SFMBT2: variants seen among roughly 807,000 people sequenced by gnomAD.
The protein encoded by SFMBT2 is Scm like with four mbt domains 2, also known as scm-like with four MBT domains protein 2.
A neutral mutation model predicts 110.1 loss-of-function variants in SFMBT2; 38 were observed. That is an observed-to-expected ratio of 0.35 (90% CI 0.27 to 0.45). SFMBT2 has a LOEUF of 0.45. Among genes scored for constraint, SFMBT2 ranks in the 20% least tolerant of loss-of-function variants. SFMBT2 has a pLI of 1.00. For synonymous variants in SFMBT2, 425 were observed against 425.4 expected, an observed-to-expected ratio of 1.00 and a Z score of 0.01; for missense variants, 1,011 against 1,094.9, an observed-to-expected ratio of 0.92 and a Z score of 1.08.
intron 4 of SFMBT2, chr10:7,286,315 C>G (rs1240241781): frequency 1.6e-6 from 1 of 620,952 alleles, no homozygotes; most frequent in East Asian, 1.4e-4. Context: ...GAAAGGCTTT[C>G]CAGGTGGGAA....
chr10:7,246,829 C>T (rs1031201077), intron 8 of SFMBT2, among the ~76,000 whole-genome samples: 9 of 151,078 alleles, frequency 6.0e-5, no homozygotes, highest in Middle Eastern at 3.2e-3. Context: ...GACTCTGTAG[C>T]GTGATACATC....
chr10:7,249,417 A>C, intron 7 of SFMBT2: 1 of 650,162 alleles, frequency 1.5e-6, no homozygotes, highest in South Asian at 6.8e-5. Context: ...ACCAGAATTT[A>C]TCTTGCGGAG....
chr10:7,288,669 T>C (rs1842171770), intron 4 of SFMBT2, among the ~76,000 whole-genome samples: 1 of 152,226 alleles, frequency 6.6e-6, no homozygotes, highest in Non-Finnish European at 1.5e-5. Context: ...TCACCCTGTT[T>C]TGTTCCTCCT....
chr10:7,368,747 A>C (rs934044145), intron 3 of SFMBT2, among the ~76,000 whole-genome samples: 3 of 152,278 alleles, frequency 2.0e-5, no homozygotes, highest in African/African-American at 7.2e-5. Context: ...TGCCTAAGGC[A>C]ACTGCCAAAT....
chr10:7,348,434 C>T, intron 4 of SFMBT2: 2 of 972,648 alleles, frequency 2.1e-6, no homozygotes, highest in South Asian at 3.7e-5. Context: ...GTAAATATGT[C>T]ATTAAGGGCT....
chr10:7,304,192 G>A (rs1172328190), intron 4 of SFMBT2, among the ~76,000 whole-genome samples: 1 of 152,134 alleles, frequency 6.6e-6, no homozygotes, highest in Non-Finnish European at 1.5e-5. Context: ...GGACCCACTG[G>A]GAGGTAACTG....
chr10:7,388,612 G>C (rs1030886283), intron 1 of SFMBT2, among the ~76,000 whole-genome samples: 1 of 146,126 alleles, frequency 6.8e-6, no homozygotes, highest in Admixed American at 7.2e-5. Flanking sequence ...CTGGCCTCAA[G>C]TGATCTGTCC....
chr10:7,295,931 C>T (rs770863561), intron 4 of SFMBT2, among the ~76,000 whole-genome samples: 3 of 152,320 alleles, frequency 2.0e-5, no homozygotes, highest in Admixed American at 6.5e-5. Flanking sequence ...CTAACGCTTT[C>T]TCTGAAGTTC....
chr10:7,272,085 A>T (rs1389088824), intron 7 of SFMBT2, among the ~76,000 whole-genome samples: 1 of 152,186 alleles, frequency 6.6e-6, no homozygotes, highest in Non-Finnish European at 1.5e-5. Flanking sequence ...GACACTGCAC[A>T]GGGGAGCGAG....
At chr10:7,294,156 C>A (rs1842337272) in intron 4 of SFMBT2, among the ~76,000 whole-genome samples, 1 of 152,168 alleles carries the variant, frequency 6.6e-6, no homozygotes, top group Admixed American at 6.5e-5. Context: ...GTAATTACTG[C>A]TTATCCCCTA....
chr10:7,192,113 T>C (rs1280143368), intron 15 of SFMBT2, among the ~76,000 whole-genome samples: 1 of 152,124 alleles, frequency 6.6e-6, no homozygotes, highest in Non-Finnish European at 1.5e-5. Flanking sequence ...TGTGAGTGTG[T>C]TCAAGTTCAC....
intron 11 of SFMBT2, among the ~76,000 whole-genome samples, chr10:7,209,497 A>C (rs1315308306): frequency 6.6e-6 from 1 of 152,240 alleles, no homozygotes; most frequent in Admixed American, 6.5e-5. Context: ...AAAGCACTTA[A>C]GTAAATCTGG....
At chr10:7,285,553 T>A in intron 5 of SFMBT2, 1 of 230,578 alleles carries the variant, frequency 4.3e-6, no homozygotes, top group Admixed American at 5.3e-5. Flanking sequence ...TGATTTATAT[T>A]CACTCACATA....
At chr10:7,376,652 T>C (rs1366395726) in intron 2 of SFMBT2, among the ~76,000 whole-genome samples, 2 of 114,312 alleles carry the variant, frequency 1.7e-5, no homozygotes, top group African/African-American at 3.4e-5. Flanking sequence ...TGAGCGGAGA[T>C]CACACCACTG....
chr10:7,276,689 G>A (rs1304708686), intron 7 of SFMBT2, among the ~76,000 whole-genome samples: 3 of 152,000 alleles, frequency 2.0e-5, no homozygotes, highest in Admixed American at 1.3e-4. Flanking sequence ...CCACACGCCT[G>A]GCTAATTTTT....
At chr10:7,340,355 G>A (rs749629828) in intron 4 of SFMBT2, among the ~76,000 whole-genome samples, 5 of 152,068 alleles carry the variant, frequency 3.3e-5, no homozygotes, top group African/African-American at 4.8e-5. Flanking sequence ...GAAAAGCCAC[G>A]TATAAGTGAC....
intron 4 of SFMBT2, among the ~76,000 whole-genome samples, chr10:7,358,822 G>A (rs546432739): frequency 5.3e-5 from 8 of 151,896 alleles, no homozygotes; most frequent in Non-Finnish European, 8.8e-5. Flanking sequence ...GAGGCATGGT[G>A]GCCCTGCAAT....
chr10:7,288,021 T>G (rs1842147966), intron 4 of SFMBT2, among the ~76,000 whole-genome samples: 1 of 152,256 alleles, frequency 6.6e-6, no homozygotes, highest in African/African-American at 2.4e-5. Flanking sequence ...TATTAGCTCT[T>G]GTTTTATTAT....
At position 7,352,737 on chromosome 10, in the gene SFMBT2, C is replaced by T. The variant is rs1184374457; in HGVS notation, c.436+14912G>A. On this transcript the variant is annotated intron_variant, in intron 4 of 20. Coordinates refer to ENST00000397167, the MANE Select transcript of SFMBT2 (RefSeq NM_001387889.1). ...AATAAATAAGTACACTGGGGCCGGG[C>T]GTGGTGGCTCACGCCTGTAATCCCA... Among the ~76,000 whole-genome samples, 5 of 152,296 alleles carry T rather than the reference C, an allele frequency of 3.3e-5. No individual in the cohort carries two copies. In the South Asian group the frequency reaches 8.3e-4, roughly 25 times the overall value.
Sources: gnomAD v4.1 joint callset for allele counts (sites outside exome capture counted in the v4.1 genomes callset) on GRCh38, gnomAD v4.1.1 for gene constraint, MANE v1.5 for transcripts, NCBI Gene and HGNC (gene_info 2026-07-23, HGNC 2026-07-21) for gene names.